SH2B2: variants seen among roughly 807,000 people sequenced by gnomAD.
SH2B2 encodes SH2B adapter protein 2.
Under a neutral mutation model 35.7 loss-of-function variants are expected in SH2B2, and 37 were observed. The observed-to-expected ratio is 1.04, with a 90% CI of 0.80 to 1.36. The LOEUF is 1.36. Among genes scored for constraint, SH2B2 ranks in the 40% most tolerant of loss-of-function variants. SH2B2 has a pLI of 0.00. For missense variants in SH2B2, 852 were observed against 817.7 expected, an observed-to-expected ratio of 1.04 and a Z score of -0.51; for synonymous variants, 383 against 376.4, an observed-to-expected ratio of 1.02 and a Z score of -0.20.
intron 2 of SH2B2, among the ~76,000 whole-genome samples, chr7:102,304,742 A>G (rs1016683759): frequency 2.0e-5 from 3 of 152,184 alleles, no homozygotes; most frequent in Non-Finnish European, 4.4e-5. Context: ...CCAGGCCTCC[A>G]CTGCAGGCCT....
chr7:102,295,098 C>A (rs1218799639), intron 1 of SH2B2, among the ~76,000 whole-genome samples: 1 of 152,222 alleles, frequency 6.6e-6, no homozygotes, highest in African/African-American at 2.4e-5. Flanking sequence ...TGTCCCCCAT[C>A]TCTGTGCCTT....
chr7:102,312,175 C>T (rs190248474), intron 4 of SH2B2, among the ~76,000 whole-genome samples: 1 of 151,822 alleles, frequency 6.6e-6, no homozygotes, highest in African/African-American at 2.4e-5. Context: ...AGTTTGAGAC[C>T]AGCTTGGCCA....
chr7:102,315,307 G>C (rs558516755), intron 6 of SH2B2, among the ~76,000 whole-genome samples: 3 of 152,168 alleles, frequency 2.0e-5, no homozygotes, highest in African/African-American at 7.2e-5. Flanking sequence ...TTTGAGACTA[G>C]CCTGGACAAC....
At position 102,306,733 on chromosome 7, in the gene SH2B2, A is replaced by G; in HGVS notation, c.742A>G (p.Lys248Glu). 1 of 1,594,492 alleles carries G rather than the reference A, an allele frequency of 6.3e-7. No individual in the cohort carries two copies. Among genetic ancestry groups the G allele is most frequent in the African/African-American group, 1.3e-5 (1 of 74,562 alleles). The change falls in exon 3 of 9, where the codon AAG becomes GAG. Residue 248 changes from lysine to glutamate, a missense_variant. By Grantham distance (56) the Lys-to-Glu change is moderately conservative (BLOSUM62 1). Coordinates refer to ENST00000444095, the MANE Select transcript of SH2B2 (RefSeq NM_001359228.2). ...TTCTGGCCCCCAGGCCTCCAGGCCC[A>G]AGGTCAGCATCCCACTGTCAGCCAT... ...FFVPPKASRP[K>E]VSIPLSAIIE...
intron 1 of SH2B2, among the ~76,000 whole-genome samples, chr7:102,295,332 G>C (rs111668249): frequency 6.6e-6 from 1 of 152,180 alleles, no homozygotes; most frequent in African/African-American, 2.4e-5. Flanking sequence ...GGTGGCCACC[G>C]TCAGGAGCAC....
At chr7:102,317,550 C>G in intron 7 of SH2B2, 155 bp downstream of exon 7, 1 of 620,880 alleles carries the variant, frequency 1.6e-6, no homozygotes, top group Non-Finnish European at 2.7e-6. Context: ...AGCCATGCTC[C>G]GTGAGCCACC....
Position 102,321,680 on chromosome 7 carries a change from G to T in SH2B2, c.*50G>T. On this transcript the variant is annotated 3_prime_UTR_variant, in exon 9 of 9. Coordinates refer to ENST00000444095, the MANE Select transcript of SH2B2 (RefSeq NM_001359228.2). ...ACGCCAAGCTCTTCAGTGAAGACAC[G>T]ATGTTATTAAAAGCCTGTTTTAGGG... 9.2e-7 allele frequency: 1 copy of T among 1,090,960 alleles called. No individual in the cohort carries two copies. Among genetic ancestry groups the T allele is most frequent in the Non-Finnish European group, 1.1e-6 (1 of 896,350 alleles). The allele number at this position is 1,090,960 out of a possible 1,614,324, so 67.6% of individuals were successfully genotyped here.
intron 8 of SH2B2, among the ~76,000 whole-genome samples, chr7:102,320,972 T>C (rs1444275584): frequency 6.8e-6 from 1 of 147,172 alleles, no homozygotes; most frequent in Non-Finnish European, 1.5e-5. Flanking sequence ...TACGTGTGCG[T>C]GTGTGCGCAT....
intron 1 of SH2B2, among the ~76,000 whole-genome samples, chr7:102,294,356 G>A (rs1184987096): frequency 1.3e-5 from 2 of 152,168 alleles, no homozygotes; most frequent in African/African-American, 4.8e-5. Flanking sequence ...CGGTCTAAAG[G>A]GAGGGGAGAT....
chr7:102,318,429 A>G (rs1345056617), intron 7 of SH2B2, among the ~76,000 whole-genome samples: 1 of 152,100 alleles, frequency 6.6e-6, no homozygotes, highest in Non-Finnish European at 1.5e-5. Flanking sequence ...GTGAGCCCCC[A>G]CGCCCGGCCT....
intron 2 of SH2B2, among the ~76,000 whole-genome samples, chr7:102,301,584 G>GCA (rs1306737863): frequency 6.6e-6 from 1 of 151,320 alleles, no homozygotes; most frequent in African/African-American, 2.4e-5. Context: ...GTGTGTGTGC[G>GCA]CGCGCGTGTG....
At chr7:102,311,557 T>C (rs1793621130) in intron 4 of SH2B2, among the ~76,000 whole-genome samples, 2 of 21,296 alleles carry the variant, frequency 9.4e-5, no homozygotes, top group East Asian at 3.4e-3. Context: ...AACTGGCCTT[T>C]TTTTTTTTTT....
At chr7:102,285,658 C>T (rs749575163), upstream of SH2B2, among the ~76,000 whole-genome samples, 2 of 152,188 alleles carry the variant, frequency 1.3e-5, no homozygotes, top group African/African-American at 4.8e-5. Context: ...GATAAAAACC[C>T]TTGTCTGTAA....
chr7:102,312,419 A>C (rs1056335762), intron 4 of SH2B2, among the ~76,000 whole-genome samples: 7 of 152,228 alleles, frequency 4.6e-5, no homozygotes, highest in Non-Finnish European at 7.3e-5. Flanking sequence ...GCTTAGGTTC[A>C]GCAAAGTATG....
At chr7:102,295,300 G>A (rs1554552370) in intron 1 of SH2B2, among the ~76,000 whole-genome samples, 1 of 152,182 alleles carries the variant, frequency 6.6e-6, no homozygotes, top group Admixed American at 6.5e-5. Context: ...CCCCCTGGGG[G>A]TCCTAATGGT....
chr7:102,299,150 C>T (rs1159568954), intron 1 of SH2B2, among the ~76,000 whole-genome samples: 2 of 138,706 alleles, frequency 1.4e-5, no homozygotes, highest in Non-Finnish European at 3.0e-5. Flanking sequence ...GCGCCCGCCT[C>T]GGCCTCCCAA....
At chr7:102,295,874 G>A (rs899552991) in intron 1 of SH2B2, among the ~76,000 whole-genome samples, 4 of 152,086 alleles carry the variant, frequency 2.6e-5, no homozygotes, top group East Asian at 1.9e-4. Flanking sequence ...CCCCACCTTC[G>A]TGAACTCTAA....
intron 1 of SH2B2, among the ~76,000 whole-genome samples, chr7:102,300,055 C>A (rs1793082419): frequency 1.3e-5 from 2 of 152,360 alleles, no homozygotes; most frequent in African/African-American, 4.8e-5. Flanking sequence ...GTGGCTAGGA[C>A]TACAGGCGTG....
rs1794085808 is a variant in SH2B2 at position 102,321,530 on chromosome 7, A to C, written c.1799A>C (p.Glu600Ala). Reference protein sequence around the residue: ...LSARSRSNSAERLLEAVAATA... With the variant: ...LSARSRSNSAARLLEAVAATA... ...GCGCGGAGCCGCAGCAACAGCGCCG[A>C]GCGCCTGCTGGAGGCCGTGGCCGCC... Residue 600 changes from glutamate to alanine, a missense_variant, in exon 9 of 9, where the codon GAG becomes GCG. By Grantham distance (107) the Glu-to-Ala change is moderately radical (BLOSUM62 -1). Coordinates refer to ENST00000444095, the MANE Select transcript of SH2B2 (RefSeq NM_001359228.2). 1.2e-5 allele frequency: 14 copies of C among 1,144,392 alleles called. No homozygotes were observed. The highest frequency in any genetic ancestry group is 1.5e-5 in the Non-Finnish European group (14 of 932,946). The allele number at this position is 1,144,392 out of a possible 1,614,324, so 70.9% of individuals were successfully genotyped here. A position where few individuals can be genotyped will look rare whatever the true frequency, so the allele number is the denominator to read the frequency against.
Sources: allele counts gnomAD v4.1 joint callset (sites outside exome capture counted in the v4.1 genomes callset), GRCh38; gene constraint gnomAD v4.1.1; transcripts MANE v1.5; gene names NCBI Gene and HGNC (gene_info 2026-07-23, HGNC 2026-07-21).